The following CLSTN2 variants were observed in gnomAD, a reference collection of about 807,000 sequenced individuals.
CLSTN2 encodes the protein calsyntenin 2.
In CLSTN2, 48 loss-of-function variants were observed where a neutral mutation model predicts 101.2. That is an observed-to-expected ratio of 0.47 (90% confidence interval 0.38 to 0.60). CLSTN2 has a LOEUF of 0.60. CLSTN2 is among the 20% of genes least tolerant of loss of function. The probability of loss-of-function intolerance (pLI) is 0.00; values close to 1 mark genes in which losing one functional copy is unlikely to be tolerated. For synonymous variants in CLSTN2, 481 were observed against 463.6 expected (o/e 1.04, Z -0.48); for missense variants, 1,160 against 1,238.2 (o/e 0.94, Z 0.95).
At chr3:140,183,447 T>A (rs970659548) in intron 2 of CLSTN2, among the ~76,000 whole-genome samples, 4 of 152,190 alleles carry the variant, frequency 2.6e-5, no homozygotes. Flanking sequence ...AGAGATTGCT[T>A]GAGAGAAGCA....
At chr3:139,950,260 C>T (rs1935274711) in intron 1 of CLSTN2, among the ~76,000 whole-genome samples, 1 of 152,152 alleles carries the variant, frequency 6.6e-6, no homozygotes, top group Admixed American at 6.5e-5. Context: ...TACCATCTTC[C>T]TCAACCAAAC....
chr3:140,564,788 C>T (rs568251487), intron 16 of CLSTN2, among the ~76,000 whole-genome samples: 1 of 152,212 alleles, frequency 6.6e-6, no homozygotes. Context: ...TTAAGGTTAT[C>T]TGATTCTGAA....
intron 1 of CLSTN2, among the ~76,000 whole-genome samples, chr3:139,961,153 G>T (rs770701435): frequency 6.6e-6 from 1 of 152,224 alleles, no homozygotes; most frequent in African/African-American, 2.4e-5. Context: ...TCAGGGAAAG[G>T]CTCCTGAAAT....
At chr3:140,441,693 A>C (rs1401618525) in intron 5 of CLSTN2, among the ~76,000 whole-genome samples, 2 of 152,188 alleles carry the variant, frequency 1.3e-5, no homozygotes, top group African/African-American at 4.8e-5. Flanking sequence ...ACTCATGCCT[A>C]GAGGCCACGC....
intron 1 of CLSTN2, among the ~76,000 whole-genome samples, chr3:140,138,762 T>C (rs1321867699): frequency 6.6e-6 from 1 of 152,194 alleles, no homozygotes; most frequent in Non-Finnish European, 1.5e-5. Context: ...CCAGGCCTTC[T>C]AGAAAAGAGG....
At chr3:140,264,887 T>C (rs900126449) in intron 2 of CLSTN2, among the ~76,000 whole-genome samples, 1 of 152,130 alleles carries the variant, frequency 6.6e-6, no homozygotes, top group African/African-American at 2.4e-5. Context: ...TATTGAGTGC[T>C]TTCTCTGTGC....
At chr3:139,995,792 C>G (rs770631765) in intron 1 of CLSTN2, among the ~76,000 whole-genome samples, 1 of 152,180 alleles carries the variant, frequency 6.6e-6, no homozygotes, top group Non-Finnish European at 1.5e-5. Context: ...TAATCTGCAG[C>G]TACATGGATG....
At chr3:140,091,595 T>G (rs2008781279) in intron 1 of CLSTN2, among the ~76,000 whole-genome samples, 1 of 152,196 alleles carries the variant, frequency 6.6e-6, no homozygotes. Context: ...ATGAAATCAT[T>G]TTTTGAAATT....
chr3:140,104,021 C>G (rs114400598), intron 1 of CLSTN2, among the ~76,000 whole-genome samples: 1 of 152,326 alleles, frequency 6.6e-6, no homozygotes, highest in African/African-American at 2.4e-5. Context: ...TTGTTCTTAT[C>G]AGGGAACAAG....
intron 2 of CLSTN2, among the ~76,000 whole-genome samples, chr3:140,286,202 C>T (rs899668855): frequency 3.9e-5 from 6 of 152,068 alleles, no homozygotes; most frequent in African/African-American, 1.4e-4. Context: ...TGGAGGCCAC[C>T]CCAATAGCCT....
chr3:140,363,577 G>A (rs1232739658), intron 2 of CLSTN2, among the ~76,000 whole-genome samples: 1 of 152,230 alleles, frequency 6.6e-6, no homozygotes, highest in Non-Finnish European at 1.5e-5. Context: ...GCAGCTGACA[G>A]TGGAAATGCT....
chr3:139,981,991 A>T (rs1281937552), intron 1 of CLSTN2, among the ~76,000 whole-genome samples: 1 of 152,034 alleles, frequency 6.6e-6, no homozygotes, highest in Non-Finnish European at 1.5e-5. Context: ...AGTTGCCATG[A>T]TTTGAGCATT....
At chr3:140,439,467 T>C (rs1479193756) in intron 5 of CLSTN2, among the ~76,000 whole-genome samples, 2 of 152,182 alleles carry the variant, frequency 1.3e-5, no homozygotes, top group Non-Finnish European at 2.9e-5. Flanking sequence ...CAGTGTTGAT[T>C]TGGGGCCAAA....
At chr3:140,088,133 C>T (rs1483576874) in intron 1 of CLSTN2, among the ~76,000 whole-genome samples, 1 of 152,030 alleles carries the variant, frequency 6.6e-6, no homozygotes, top group Non-Finnish European at 1.5e-5. Context: ...TCGTTTCCCC[C>T]CTAAGAAAAC....
chr3:140,558,900 T>C (rs781336292), intron 12 of CLSTN2, 43 bp downstream of exon 12: 1 of 1,507,348 alleles, frequency 6.6e-7, no homozygotes, highest in East Asian at 2.3e-5. Context: ...GACCTTAATT[T>C]TTTACAGCCA....
intron 1 of CLSTN2, among the ~76,000 whole-genome samples, chr3:140,147,841 T>C (rs1455088973): frequency 6.6e-6 from 1 of 152,200 alleles, no homozygotes; most frequent in Non-Finnish European, 1.5e-5. Flanking sequence ...TTTTAGTCCA[T>C]TTAATCTGCA....
At chr3:140,422,747 T>C (rs1480734084) in intron 5 of CLSTN2, among the ~76,000 whole-genome samples, 1 of 152,206 alleles carries the variant, frequency 6.6e-6, no homozygotes, top group Non-Finnish European at 1.5e-5. Flanking sequence ...GCCTGAGCTC[T>C]GATTGGCTAT....
intron 2 of CLSTN2, among the ~76,000 whole-genome samples, chr3:140,253,669 C>T (rs912289954): frequency 6.6e-6 from 1 of 152,122 alleles, no homozygotes; most frequent in African/African-American, 2.4e-5. Flanking sequence ...AGGCCTGGCT[C>T]CCTTCTCTGG....
chr3:140,104,942 C>T (rs926327265), intron 1 of CLSTN2, among the ~76,000 whole-genome samples: 1 of 152,206 alleles, frequency 6.6e-6, no homozygotes, highest in African/African-American at 2.4e-5. Context: ...CGTGCCACTG[C>T]ACTCCAGCCT....
Sources: gnomAD v4.1 joint callset for allele counts (sites outside exome capture counted in the v4.1 genomes callset) on GRCh38, gnomAD v4.1.1 for gene constraint, MANE v1.5 for transcripts, NCBI Gene and HGNC (gene_info 2026-07-23, HGNC 2026-07-21) for gene names.